The following RBBP8 variants were observed in gnomAD, a reference collection of about 807,000 sequenced individuals.
The protein encoded by RBBP8 is RB binding protein 8, endonuclease, also known as DNA endonuclease RBBP8.
Under a neutral mutation model 108.3 loss-of-function variants are expected in RBBP8, and 88 were observed. The observed-to-expected ratio is 0.81, with a 90% CI of 0.68 to 0.97. The LOEUF is 0.97. Among genes scored for constraint, RBBP8 ranks in the 50% least tolerant of loss-of-function variants. The probability of loss-of-function intolerance (pLI) is 0.00; values close to 1 mark genes in which losing one functional copy is unlikely to be tolerated. For synonymous variants in RBBP8, 332 were observed against 348.2 expected, an observed-to-expected ratio of 0.95 and a Z score of 0.52; for missense variants, 1,023 against 1,049.0, an observed-to-expected ratio of 0.98 and a Z score of 0.34.
intron 14 of RBBP8, among the ~76,000 whole-genome samples, chr18:23,001,027 C>T (rs1343427977): frequency 3.3e-5 from 5 of 152,204 alleles, no homozygotes; most frequent in Non-Finnish European, 5.9e-5. Flanking sequence ...CACTTCACTA[C>T]ATGCATTACA....
At position 22,933,332 on chromosome 18, in the gene RBBP8, G is replaced by T. The variant is rs1326108763; in HGVS notation, c.-331G>T. ...CGTGACGCAAGTGGAACTCCCGCGT[G>T]ACGTCGCGCGGGCTCCCGGGCGGGG... On this transcript the variant is annotated 5_prime_UTR_variant, in exon 1 of 19. Transcript: ENST00000327155. 6.6e-6 allele frequency: 1 copy of T among 152,524 alleles called. No individual in the cohort carries two copies. The highest frequency in any genetic ancestry group is 2.4e-5 in the African/African-American group (1 of 41,474). The allele number at this position is 152,524 out of a possible 1,614,324, so 9.4% of individuals were successfully genotyped here. A position where few individuals can be genotyped will look rare whatever the true frequency, so the allele number is the denominator to read the frequency against.
chr18:22,965,348 G>A (rs1465894227), intron 4 of RBBP8, among the ~76,000 whole-genome samples: 1 of 152,156 alleles, frequency 6.6e-6, no homozygotes, highest in Non-Finnish European at 1.5e-5. Context: ...GCTGTAGACT[G>A]TGAGCTTCTC....
At chr18:23,010,431 G>A (rs929887657) in intron 16 of RBBP8, among the ~76,000 whole-genome samples, 3 of 151,818 alleles carry the variant, frequency 2.0e-5, no homozygotes, top group Admixed American at 6.6e-5. Context: ...GTGAGACCTC[G>A]TCTCTACAAA....
rs2046451765 is a variant in RBBP8 at position 23,026,371 on chromosome 18, A to T, written c.*131A>T. The T allele has an allele frequency of 1.1e-6, 1 of 870,948 alleles. No homozygotes were observed. The highest frequency in any genetic ancestry group is 1.7e-5 in the African/African-American group (1 of 58,556). 54.0% of individuals were successfully genotyped at this position (870,948 alleles called of 1,614,324 possible). A position where few individuals can be genotyped will look rare whatever the true frequency, so the allele number is the denominator to read the frequency against. ...TTTATAAATCAGTTTTCTATTGAAA[A>T]TGTTTGTGATATTTTGCTTTTGCAC... On this transcript the variant is annotated 3_prime_UTR_variant, in exon 19 of 19. Coordinates refer to ENST00000327155, the MANE Select transcript of RBBP8 (RefSeq NM_002894.3).
intron 15 of RBBP8, among the ~76,000 whole-genome samples, chr18:23,005,264 T>G (rs534888505): frequency 1.3e-5 from 2 of 152,354 alleles, no homozygotes; most frequent in East Asian, 3.9e-4. Flanking sequence ...TGTTCTCAGA[T>G]AGCTAAAAGC....
At chr18:22,980,592 G>C (rs1050745806) in intron 6 of RBBP8, among the ~76,000 whole-genome samples, 1 of 152,120 alleles carries the variant, frequency 6.6e-6, no homozygotes, top group South Asian at 2.1e-4. Flanking sequence ...AATGGGAGGG[G>C]CACCATCAGG....
rs1280644980 is a variant in RBBP8, at chr18:23,026,329, G to A, written c.*89G>A. 5 of 1,108,550 alleles carry A rather than the reference G, an allele frequency of 4.5e-6. No homozygotes were observed. Among genetic ancestry groups the A allele is most frequent in the Non-Finnish European group, 6.7e-6 (5 of 741,906 alleles). The allele number at this position is 1,108,550 out of a possible 1,614,324, so 68.7% of individuals were successfully genotyped here. On this transcript the variant is annotated 3_prime_UTR_variant, in exon 19 of 19. Coordinates refer to ENST00000327155, the MANE Select transcript of RBBP8 (RefSeq NM_002894.3). ...GTTGGTACTAAACATTGATTTTTTTGATCTTCTGTAAATGGATTTATAAAT... is the reference window on the plus strand; with the variant it reads ...GTTGGTACTAAACATTGATTTTTTTAATCTTCTGTAAATGGATTTATAAAT...
chr18:22,991,046 T>A lies in RBBP8; in HGVS notation c.917T>A (p.Leu306Ter). 1 of 1,597,614 alleles carries A rather than the reference T, an allele frequency of 6.3e-7. No individual in the cohort carries two copies. Among genetic ancestry groups the A allele is most frequent in the Non-Finnish European group, 8.6e-7 (1 of 1,165,944 alleles). Residue 306 changes from leucine (L) to a stop codon, truncating the protein, a stop_gained, in exon 10 of 19, where the codon TTA becomes TAA. Transcript: ENST00000327155. LOFTEE classifies it high-confidence loss of function. ...EESTRNTEDS[L>*]RFSDSTSKTP... is the part of the protein sequence containing the mutation. Reference sequence around the variant, plus strand: ...TCTACAAGAAATACTGAAGATAGTTTAAGGTAATTAAGGGCACGTTGGTGA... The same window carrying A: ...TCTACAAGAAATACTGAAGATAGTTAAAGGTAATTAAGGGCACGTTGGTGA...
At chr18:22,974,445 T>G (rs1484739419) in intron 5 of RBBP8, among the ~76,000 whole-genome samples, 5 of 152,178 alleles carry the variant, frequency 3.3e-5, no homozygotes, top group African/African-American at 1.2e-4. Context: ...ACACTGATAT[T>G]CAGCGTTTTT....
Position 23,017,796 on chromosome 18 carries a change from G to A in RBBP8, c.2454+872G>A, listed in dbSNP as rs894158919. On this transcript the variant is annotated intron_variant, in intron 17 of 18. Transcript: ENST00000327155. ...GAGTCTTGCCCTGTTGCCCAGGCTG[G>A]AATGTAGTGGCGTGATCTTGGCTCA... Among the ~76,000 whole-genome samples the A allele has an allele frequency of 1.1e-4, 15 of 138,220 alleles. No individual in the cohort carries two copies. The South Asian group carries it at 1.4e-3, about 13-fold the overall frequency. 90.7% of individuals were successfully genotyped at this position (138,220 alleles called of 152,430 possible). A position where few individuals can be genotyped will look rare whatever the true frequency, so the allele number is the denominator to read the frequency against.
chr18:22,918,184 A>G (rs8087344), intron 3 of RBBP8, among the ~76,000 whole-genome samples: 23,945 of 152,140 alleles, frequency 0.16, 2,274 homozygotes, highest in African/African-American at 0.27. Context: ...TTCAATTTCA[A>G]TCATCTGTAC....
chr18:22,993,353 G>C lies in RBBP8; in HGVS notation c.1526G>C (p.Ser509Thr). ...CAGCGTCAAGAGAAAAGCCAAGGAA[G>C]TGAGACTTCTAAAAACAAATTTAGG... Reference protein sequence around the residue: ...AIQRQEKSQGSETSKNKFRQV... With the variant: ...AIQRQEKSQGTETSKNKFRQV... Residue 509 changes from serine to threonine, a missense_variant, in exon 11 of 19, where the codon AGT (serine) becomes ACT (threonine). Physicochemically the swap from Ser to Thr is moderately conservative, Grantham distance 58. Transcript: ENST00000327155. 1 of 1,614,234 alleles carries C rather than the reference G, an allele frequency of 6.2e-7. No individual in the cohort carries two copies. The highest frequency in any genetic ancestry group is 8.5e-7 in the Non-Finnish European group (1 of 1,180,036).
chr18:22,997,822 C>G lies in RBBP8; in HGVS notation c.2143+88C>G, dbSNP rs547245090. On this transcript the variant is annotated intron_variant, in intron 14 of 18. Coordinates refer to ENST00000327155, the MANE Select transcript of RBBP8 (RefSeq NM_002894.3). ...CATTGCACTGATTAGCTCAAGTGAC[C>G]TCTTCACCATAAAGCAGGTTTTTTC... 32 of 906,656 alleles carry G rather than the reference C, an allele frequency of 3.5e-5. No homozygotes were observed. The African/African-American group carries it at 5.0e-4, about 14-fold the overall frequency. The allele number at this position is 906,656 out of a possible 1,614,324, so 56.2% of individuals were successfully genotyped here.
chr18:22,928,683 T>TC (rs911565734), upstream of RBBP8, among the ~76,000 whole-genome samples: 4 of 151,904 alleles, frequency 2.6e-5, no homozygotes, highest in African/African-American at 9.7e-5. Flanking sequence ...TTCTTTTTTT[T>TC]TTTTGAGACA....
chr18:23,020,597 T>G (rs1387051564), intron 17 of RBBP8, among the ~76,000 whole-genome samples: 1 of 152,168 alleles, frequency 6.6e-6, no homozygotes, highest in African/African-American at 2.4e-5. Context: ...GGCCTTTTTT[T>G]TTTTAAATAA....
chr18:22,914,455 C>T (rs1421944365), intron 1 of RBBP8: 7 of 151,972 alleles, frequency 4.6e-5, no homozygotes, highest in South Asian at 2.1e-4. Flanking sequence ...ATAACACTTG[C>T]GTTATGTTCA....
intron 4 of RBBP8, among the ~76,000 whole-genome samples, chr18:22,954,808 A>T (rs1218775748): frequency 6.6e-6 from 1 of 152,130 alleles, no homozygotes; most frequent in Non-Finnish European, 1.5e-5. Flanking sequence ...CCTTCTTCAC[A>T]TGATGGCAGG....
chr18:22,929,150 A>G (rs1233123085), upstream of RBBP8, among the ~76,000 whole-genome samples: 2 of 152,200 alleles, frequency 1.3e-5, no homozygotes, highest in Non-Finnish European at 2.9e-5. Context: ...AAAGGAAAGC[A>G]CTAATTCAAA....
chr18:22,920,158 T>C lies in RBBP8; in HGVS notation c.-154+3132T>C, dbSNP rs375605631. Among the ~76,000 whole-genome samples the C allele has an allele frequency of 3.3e-5, 5 of 151,998 alleles. No individual in the cohort carries two copies. In the South Asian group the frequency reaches 1.0e-3, roughly 32 times the overall value. ...GGAAACAAAGTGAGACCTCTGTCTC[T>C]ACAAAAAATAAAAAATAAAAAATTA... On this transcript the variant is annotated intron_variant, in intron 3 of 4. Coordinates refer to the RBBP8 transcript ENST00000577588.
Sources: gnomAD v4.1 joint callset for allele counts (sites outside exome capture counted in the v4.1 genomes callset) on GRCh38, gnomAD v4.1.1 for gene constraint, MANE v1.5 for transcripts, NCBI Gene and HGNC (gene_info 2026-07-23, HGNC 2026-07-21) for gene names.